The following ERP44 variants were observed in gnomAD, a reference collection of about 807,000 sequenced individuals.
ERP44 encodes endoplasmic reticulum resident protein 44.
ERP44 carries 25 observed loss-of-function variants against 53.4 expected under a neutral mutation model. That is an observed-to-expected ratio of 0.47 (90% CI 0.34 to 0.65). The LOEUF (loss-of-function observed/expected upper bound fraction) is 0.65. ERP44 is among the 30% of genes least tolerant of loss of function. The probability of loss-of-function intolerance (pLI) is 0.01; values close to 1 mark genes in which losing one functional copy is unlikely to be tolerated. For synonymous variants in ERP44, 145 were observed against 161.2 expected (o/e 0.90, Z 0.76); for missense variants, 338 against 493.2 (o/e 0.69, Z 2.98).
Position 100,056,810 on chromosome 9 carries a change from G to A in ERP44, c.170+1010C>T, listed in dbSNP as rs529642279. 2.6e-5 allele frequency among the ~76,000 whole-genome samples: 4 copies of A among 152,302 alleles called. No individual in the cohort carries two copies. The East Asian group carries it at 7.7e-4, about 29-fold the overall frequency. On this transcript the variant is annotated intron_variant, in intron 3 of 11. Transcript: ENST00000262455. ...GTTTAGTATAACTGGAGCAGAATGT[G>A]GAAGTGGAGAGAGGCCAGACATAAC...
rs1265610265 is a variant in ERP44 at position 100,068,499 on chromosome 9, C to T, written c.58-8327G>A. Among the ~76,000 whole-genome samples the T allele has an allele frequency of 1.0e-4, 13 of 128,520 alleles. No individual in the cohort carries two copies. In the East Asian group the frequency reaches 1.3e-3, roughly 13 times the overall value. 84.3% of individuals were successfully genotyped at this position (128,520 alleles called of 152,430 possible). ...TGAGGAGCCCCTCTGCCCGGCCAGC[C>T]GCCCCGTCCGGGAGGGAGGTGGGGG... On this transcript the variant is annotated intron_variant, in intron 1 of 11. Coordinates refer to ENST00000262455, the MANE Select transcript of ERP44 (RefSeq NM_015051.3).
chr9:100,093,653 A>AGGG (rs1564108130), intron 1 of ERP44, among the ~76,000 whole-genome samples: 2 of 151,662 alleles, frequency 1.3e-5, no homozygotes, highest in African/African-American at 4.9e-5. Context: ...TGGGGGGGGA[A>AGGG]AAAAAAAGAA....
chr9:100,091,957 C>T (rs908588922), intron 1 of ERP44, among the ~76,000 whole-genome samples: 1 of 152,030 alleles, frequency 6.6e-6, no homozygotes, highest in South Asian at 2.1e-4. Flanking sequence ...TTTTGGTAGT[C>T]TAATTATTTA....
chr9:100,059,554 G>A (rs1826120035), intron 2 of ERP44, among the ~76,000 whole-genome samples: 1 of 152,126 alleles, frequency 6.6e-6, no homozygotes, highest in Non-Finnish European at 1.5e-5. Flanking sequence ...ACGTGCAGTG[G>A]AGCCCACCTG....
intron 10 of ERP44, among the ~76,000 whole-genome samples, chr9:99,993,118 C>T (rs1319628572): frequency 1.3e-5 from 2 of 152,168 alleles, no homozygotes; most frequent in East Asian, 3.8e-4. Context: ...AATGCCATCC[C>T]CATCAAGCTA....
intron 1 of ERP44, among the ~76,000 whole-genome samples, chr9:100,086,422 T>C (rs1408230688): frequency 1.3e-5 from 2 of 152,180 alleles, no homozygotes; most frequent in Non-Finnish European, 2.9e-5. Context: ...TTTCAGAGAG[T>C]CAAAAGATAA....
intron 4 of ERP44, among the ~76,000 whole-genome samples, chr9:100,026,414 T>C (rs538826743): frequency 6.6e-6 from 1 of 152,240 alleles, no homozygotes; most frequent in East Asian, 1.9e-4. Flanking sequence ...GAAAGGTACT[T>C]GTGACATGTA....
At chr9:100,037,876 A>G (rs1253238303) in intron 4 of ERP44, among the ~76,000 whole-genome samples, 2 of 152,228 alleles carry the variant, frequency 1.3e-5, no homozygotes, top group Admixed American at 6.5e-5. Flanking sequence ...GAACTCCAAT[A>G]GGTCTGGCAG....
intron 1 of ERP44, among the ~76,000 whole-genome samples, chr9:100,097,217 A>T (rs1195171692): frequency 6.6e-6 from 1 of 152,224 alleles, no homozygotes; most frequent in African/African-American, 2.4e-5. Flanking sequence ...AAAAAGCATG[A>T]GTTATTCCAA....
intron 1 of ERP44, among the ~76,000 whole-genome samples, chr9:100,092,297 T>C (rs192218165): frequency 6.6e-6 from 1 of 152,340 alleles, no homozygotes; most frequent in Admixed American, 6.5e-5. Flanking sequence ...CCCATACACA[T>C]GTGCAACATG....
chr9:100,084,123 A>T (rs577459602), intron 1 of ERP44, among the ~76,000 whole-genome samples: 1 of 152,314 alleles, frequency 6.6e-6, no homozygotes, highest in East Asian at 1.9e-4. Flanking sequence ...ACCAAAGGAT[A>T]TTATAATTTG....
chr9:100,092,729 A>G (rs919964071), intron 1 of ERP44, among the ~76,000 whole-genome samples: 2 of 152,240 alleles, frequency 1.3e-5, no homozygotes, highest in Non-Finnish European at 2.9e-5. Flanking sequence ...GCACACAAGA[A>G]AACAAATTAT....
intron 4 of ERP44, among the ~76,000 whole-genome samples, chr9:100,032,245 G>A (rs890612868): frequency 3.3e-5 from 5 of 152,052 alleles, no homozygotes; most frequent in Admixed American, 3.3e-4. Flanking sequence ...GTTCCTCCAG[G>A]GCTCCACCCT....
intron 10 of ERP44, among the ~76,000 whole-genome samples, chr9:100,001,707 C>CT (rs1359633897): frequency 6.6e-6 from 1 of 152,112 alleles, no homozygotes. Flanking sequence ...ACCTGTGTCC[C>CT]TTATAGGTGA....
intron 3 of ERP44, among the ~76,000 whole-genome samples, chr9:100,057,491 A>C (rs1350821483): frequency 6.6e-6 from 1 of 152,224 alleles, no homozygotes; most frequent in African/African-American, 2.4e-5. Context: ...TACCCAAATC[A>C]TGACTTATAA....
intron 1 of ERP44, among the ~76,000 whole-genome samples, chr9:100,075,354 T>C (rs1258571227): frequency 1.3e-5 from 2 of 152,248 alleles, no homozygotes; most frequent in South Asian, 2.1e-4. Flanking sequence ...TTCCTTTCCA[T>C]AAGGCCCACC....
chr9:100,009,485 C>A (rs1014198385), intron 8 of ERP44, among the ~76,000 whole-genome samples: 17 of 152,240 alleles, frequency 1.1e-4, no homozygotes, highest in Admixed American at 2.6e-4. Flanking sequence ...CCTCTCCCCA[C>A]CCCCTGGCAT....
At chr9:100,019,719 G>A (rs1338521930) in intron 6 of ERP44, among the ~76,000 whole-genome samples, 2 of 152,020 alleles carry the variant, frequency 1.3e-5, no homozygotes, top group African/African-American at 4.8e-5. Flanking sequence ...CAAACCAGGG[G>A]GATTCAATGT....
intron 4 of ERP44, among the ~76,000 whole-genome samples, chr9:100,047,289 A>C (rs759545943): frequency 1.3e-5 from 2 of 152,210 alleles, no homozygotes; most frequent in Non-Finnish European, 2.9e-5. Context: ...AAGACACTCA[A>C]GTTGGAGGTC....
Sources: allele counts gnomAD v4.1 joint callset (sites outside exome capture counted in the v4.1 genomes callset), GRCh38; gene constraint gnomAD v4.1.1; transcripts MANE v1.5; gene names NCBI Gene and HGNC (gene_info 2026-07-23, HGNC 2026-07-21).